The following DIP2A variants were observed in gnomAD, a reference collection of about 807,000 sequenced individuals.
The protein encoded by DIP2A is DIP2 acetate--CoA ligase A.
Under a neutral mutation model 177.4 loss-of-function variants are expected in DIP2A, and 85 were observed. The observed-to-expected ratio is 0.48, with a 90% CI of 0.40 to 0.57. The LOEUF (loss-of-function observed/expected upper bound fraction) is 0.57, where lower values mean the gene tolerates loss of function less well. Ranked by LOEUF, DIP2A falls within the 20% of genes least tolerant of loss-of-function variation. The pLI, the probability that DIP2A is intolerant of heterozygous loss-of-function variation, is 0.00. For synonymous variants in DIP2A, 886 were observed against 881.8 expected (o/e 1.00, Z -0.08); for missense variants, 1,791 against 2,100.2 (o/e 0.85, Z 2.88).
intron 18 of DIP2A, among the ~76,000 whole-genome samples, chr21:46,543,819 A>ACAAGCACCACCTTCCACATCAGC (rs1365750754): frequency 9.9e-5 from 15 of 152,280 alleles, no homozygotes; most frequent in South Asian, 4.1e-4. Flanking sequence ...GGAAGCACAG[A>ACAAGCACCACCTTCCACATCAGC]CAAGCACCAC....
Position 46,554,158 on chromosome 21 carries a change from C to T in DIP2A, c.3031-11C>T, listed in dbSNP as rs776910204. ...CCAGCATACAGATGAGCTCAAAGAT[C>T]GCTTTCCTAGGGCACCGTCACAAGC... On this transcript the variant is annotated splice_polypyrimidine_tract_variant and intron_variant, in intron 25 of 37. Coordinates refer to ENST00000417564, the MANE Select transcript of DIP2A (RefSeq NM_015151.4). 119 of 1,594,724 alleles carry T rather than the reference C, an allele frequency of 7.5e-5. No homozygotes were observed. The highest frequency in any genetic ancestry group is 7.1e-4 in the South Asian group (64 of 90,756).
intron 8 of DIP2A, among the ~76,000 whole-genome samples, chr21:46,521,057 C>G (rs915994929): frequency 2.0e-5 from 3 of 152,170 alleles, no homozygotes; most frequent in Non-Finnish European, 2.9e-5. Context: ...AATGATAACT[C>G]AAAAATTTTT....
chr21:46,578,640 CAGTT>C, the DIP2A span, among the ~76,000 whole-genome samples: 1 of 152,036 alleles, frequency 6.6e-6, no homozygotes, highest in African/African-American at 2.4e-5. Flanking sequence ...CTTCAATATC[CAGTT>C]TATTGAAAGT....
Position 46,470,897 on chromosome 21 carries a change from C to G in DIP2A, c.91+11675C>G, listed in dbSNP as rs143057157. 6.0e-3 allele frequency among the ~76,000 whole-genome samples: 904 copies of G among 149,892 alleles called. 8 individuals are homozygous for G. Among genetic ancestry groups the G allele is most frequent in the Middle Eastern group, 0.021 (6 of 292 alleles). On this transcript the variant is annotated intron_variant, in intron 1 of 37. Transcript: ENST00000417564. The stretch of plus-strand genomic sequence containing the variant: ...TGAGCCAAGATAATACCACTGCACT[C>G]CAGCCTGGGAAACGAGTGAAATTCT...
chr21:46,543,391 TGCGTGCACAGCGCTCCCGTAG>T (rs938045147), intron 18 of DIP2A, among the ~76,000 whole-genome samples: 1 of 152,210 alleles, frequency 6.6e-6, no homozygotes, highest in Non-Finnish European at 1.5e-5. Context: ...GGACAGGACA[TGCGTGCACAGCGCTCCCGTAG>T]GCGTGCACGC....
chr21:46,539,527 ACCT>A (rs960885781), intron 16 of DIP2A: 32 of 354,046 alleles, frequency 9.0e-5, no homozygotes, highest in Middle Eastern at 9.9e-4. Flanking sequence ...CAGAGTGTGC[ACCT>A]CCTCTCCAGT....
chr21:46,524,835 C>T (rs2058993001), intron 8 of DIP2A, among the ~76,000 whole-genome samples: 1 of 143,060 alleles, frequency 7.0e-6, no homozygotes. Flanking sequence ...GAAGTTCTAT[C>T]AATCACCTTC....
intron 3 of DIP2A, among the ~76,000 whole-genome samples, chr21:46,491,786 A>G (rs915512899): frequency 6.6e-6 from 1 of 151,922 alleles, no homozygotes; most frequent in Non-Finnish European, 1.5e-5. Context: ...CTTCTCCCCA[A>G]CCCTGTTCCC....
intron 1 of DIP2A, among the ~76,000 whole-genome samples, chr21:46,479,037 A>C (rs1383665904): frequency 1.3e-5 from 2 of 152,206 alleles, no homozygotes; most frequent in African/African-American, 4.8e-5. Context: ...AGTGATTTGA[A>C]ACTGGCTCCA....
rs1178769960 is a variant in DIP2A, at chr21:46,533,581, CTGACCACAGACGCT to C, written c.1366_1379del (p.Thr456SerfsTer27). 6.2e-7 allele frequency: 1 copy of C among 1,614,024 alleles called. No individual in the cohort carries two copies. The highest frequency in any genetic ancestry group is 8.5e-7 in the Non-Finnish European group (1 of 1,179,896). On this transcript the variant is annotated frameshift_variant, in exon 11 of 38. Coordinates refer to ENST00000417564, the MANE Select transcript of DIP2A (RefSeq NM_015151.4). LOFTEE classifies it high-confidence loss of function. Reference sequence around the variant, plus strand: ...GGGCAGCTGTGGAGTCTTCTTGGCCCTGACCACAGACGCTTGTCAGAAAGGCCTCCCCAAGGCAC... The same window carrying C: ...GGGCAGCTGTGGAGTCTTCTTGGCCCTGTCAGAAAGGCCTCCCCAAGGCAC...
chr21:46,520,032 G>A (rs551700013), intron 8 of DIP2A, among the ~76,000 whole-genome samples: 4 of 151,590 alleles, frequency 2.6e-5, no homozygotes, highest in South Asian at 2.1e-4. Context: ...CCGCCACCAC[G>A]CCCGGCTAAT....
intron 3 of DIP2A, 71 bp from the exon 4 acceptor site, chr21:46,496,917 C>A: frequency 6.9e-7 from 1 of 1,453,436 alleles, no homozygotes; most frequent in Non-Finnish European, 9.1e-7. Context: ...CAAACAAAAA[C>A]ATGAAACTTA....
chr21:46,491,283 A>C (rs1421630483), intron 3 of DIP2A, among the ~76,000 whole-genome samples: 1 of 152,144 alleles, frequency 6.6e-6, no homozygotes, highest in Non-Finnish European at 1.5e-5. Context: ...TTATCTATTT[A>C]ATATTTTCAC....
chr21:46,463,482 A>C (rs2054499650), intron 1 of DIP2A, among the ~76,000 whole-genome samples: 1 of 152,100 alleles, frequency 6.6e-6, no homozygotes, highest in Admixed American at 6.5e-5. Flanking sequence ...CAATTACTTT[A>C]TTCTGGTTAA....
At position 46,498,685 on chromosome 21, in the gene DIP2A, G is replaced by T. The variant is rs1306098928; in HGVS notation, c.507G>T (p.Arg169=). 6.2e-7 allele frequency: 1 copy of T among 1,613,706 alleles called. No individual in the cohort carries two copies. The highest frequency in any genetic ancestry group is 2.2e-5 in the East Asian group (1 of 44,866). Reference sequence around the variant, plus strand: ...CCAGCGTCGAGCCCTGGCTCGACCGGGTCATTCAGGGCTCGTCCACCTCAT... The same window carrying T: ...CCAGCGTCGAGCCCTGGCTCGACCGTGTCATTCAGGGCTCGTCCACCTCAT... The part of the protein sequence containing the change: ...SHSSVEPWLD[R]VIQGSSTSSS... The change falls in exon 5 of 38, where the codon CGG becomes CGT. Residue 169 remains arginine (R), a synonymous_variant. Coordinates refer to ENST00000417564, the MANE Select transcript of DIP2A (RefSeq NM_015151.4). This position sits in a 1 kb window ranked among gnomAD's most constrained non-coding sequence, Gnocchi z 4.3.
At position 46,545,258 on chromosome 21, in the gene DIP2A, G is replaced by A. The variant is rs377550062; in HGVS notation, c.2298G>A (p.Thr766=). ...CGTACTATGGATTGCTTGGAATCAC[G>A]AAGAATGTGTTTGAGGTTTGTCCCT... ...GTAYYGLLGI[T]KNVFEAVPVT... is the part of the protein sequence containing the mutation. The change falls in exon 19 of 38, where the codon ACG becomes ACA. Residue 766 remains threonine (T), a synonymous_variant. Coordinates refer to ENST00000417564, the MANE Select transcript of DIP2A (RefSeq NM_015151.4). The A allele has an allele frequency of 3.9e-5, 63 of 1,597,158 alleles. No homozygotes were observed. The highest frequency in any genetic ancestry group is 3.8e-4 in the East Asian group (17 of 44,378).
rs144411109 is a variant in DIP2A at position 46,562,917 on chromosome 21, G to A, written c.4090-941G>A. Among the ~76,000 whole-genome samples, 284 of 152,184 alleles carry A rather than the reference G, an allele frequency of 1.9e-3. 1 individual carries two copies. Among genetic ancestry groups the A allele is most frequent in the African/African-American group, 6.5e-3 (270 of 41,518 alleles). On this transcript the variant is annotated intron_variant, in intron 34 of 37. Transcript: ENST00000417564. ...GCATCATCCTTGGTGTAAACTCAGCGGGTTTCCCTGGGTCATGGGGCCTCC... is the reference window on the plus strand; with the variant it reads ...GCATCATCCTTGGTGTAAACTCAGCAGGTTTCCCTGGGTCATGGGGCCTCC...
In DIP2A at chr21:46,461,813, A is replaced by G. The variant is rs566294871; in HGVS notation, c.91+2591A>G. 9.9e-5 allele frequency among the ~76,000 whole-genome samples: 15 copies of G among 151,862 alleles called. No homozygotes were observed. In the South Asian group the frequency reaches 2.5e-3, roughly 25 times the overall value. ...GGTGGCTTAGGCCTGTTATGTTTGC[A>G]TTTTGGGAGGCCCAGGCAGGAGGAT... On this transcript the variant is annotated intron_variant, in intron 1 of 37. Transcript: ENST00000417564.
Position 46,532,230 on chromosome 21 carries a change from C to T in DIP2A, c.1298C>T (p.Thr433Ile). Residue 433 changes from threonine (T) to isoleucine (I), a missense_variant, in exon 10 of 38, where the codon ACA (threonine) becomes ATA (isoleucine). Physicochemically the swap from Thr to Ile is moderately conservative, Grantham distance 89. Transcript: ENST00000417564. Reference sequence around the variant, plus strand: ...CCTGTCCCCATAGAAGTGCCATTAACAAGAAAGGTAGCAAACCCATGGCTC... The same window carrying T: ...CCTGTCCCCATAGAAGTGCCATTAATAAGAAAGGTAGCAAACCCATGGCTC... ...LVPVPIEVPL[T>I]RKDAGSQQVG... 6.2e-7 allele frequency: 1 copy of T among 1,613,652 alleles called. No homozygotes were observed. The highest frequency in any genetic ancestry group is 8.5e-7 in the Non-Finnish European group (1 of 1,179,696).
Sources: allele counts gnomAD v4.1 joint callset (sites outside exome capture counted in the v4.1 genomes callset), GRCh38; gene constraint gnomAD v4.1.1; non-coding constraint Gnocchi (gnomAD v3.1); transcripts MANE v1.5; gene names NCBI Gene and HGNC (gene_info 2026-07-23, HGNC 2026-07-21).